LMAN2: variants seen among roughly 807,000 people sequenced by gnomAD.
The protein encoded by LMAN2 is vesicular integral-membrane protein VIP36.
A neutral mutation model predicts 39.3 loss-of-function variants in LMAN2; 22 were observed. The observed-to-expected ratio is 0.56, with a 90% CI of 0.40 to 0.80. LMAN2 has a LOEUF of 0.80. Among genes scored for constraint, LMAN2 ranks in the 30% least tolerant of loss-of-function variants. LMAN2 has a pLI of 0.00. For missense variants in LMAN2, 494 were observed against 505.4 expected (o/e 0.98, Z 0.22); for synonymous variants, 207 against 207.8 (o/e 1.00, Z 0.03).
rs547600819 is a variant in LMAN2, at chr5:177,344,210, C to A, written c.316-5605G>T. Among the ~76,000 whole-genome samples, 162 of 149,166 alleles carry A rather than the reference C, an allele frequency of 1.1e-3. No individual in the cohort carries two copies. In the Middle Eastern group the frequency reaches 0.02, roughly 19 times the overall value. ...TCCAGCCTCCGTGACAAAGTGAGAC[C>A]CCCCCCATCTCTAAAAAAAAAAAAA... is the stretch of plus-strand genomic sequence containing the variant. On this transcript the variant is annotated intron_variant, in intron 2 of 7. Coordinates refer to ENST00000303127, the MANE Select transcript of LMAN2 (RefSeq NM_006816.3).
chr5:177,331,887 GT>G lies in LMAN2; in HGVS notation c.*198del. 1.7e-6 allele frequency: 1 copy of G among 581,146 alleles called. No homozygotes were observed. Among genetic ancestry groups the G allele is most frequent in the Non-Finnish European group, 2.9e-6 (1 of 342,254 alleles). 36.0% of individuals were successfully genotyped at this position (581,146 alleles called of 1,614,324 possible). On this transcript the variant is annotated 3_prime_UTR_variant, in exon 8 of 8. Transcript: ENST00000303127. ...CCCAGGAGAGCCTCCGTCTCCAGCT[GT>G]GGGGGGTGCCAGACCCTAAGCCTCG...
chr5:177,341,003 C>A (rs1485308252), intron 2 of LMAN2, among the ~76,000 whole-genome samples: 1 of 151,604 alleles, frequency 6.6e-6, no homozygotes, highest in Non-Finnish European at 1.5e-5. Flanking sequence ...GATCCGCCCA[C>A]CTCAGCCTCC....
chr5:177,334,668 CCT>C, intron 6 of LMAN2: 1 of 380,324 alleles, frequency 2.6e-6, no homozygotes, highest in Non-Finnish European at 4.9e-6. Context: ...GGTCTGCCGC[CCT>C]CTTTGAGGCT....
chr5:177,333,562 G>A lies in LMAN2; in HGVS notation c.910+722C>T, dbSNP rs146631089. Among the ~76,000 whole-genome samples, 14 of 152,316 alleles carry A rather than the reference G, an allele frequency of 9.2e-5. 1 individual carries two copies. Among genetic ancestry groups the A allele is most frequent in the African/African-American group, 2.4e-4 (10 of 41,562 alleles). ...CTTCTCCTGAAAAGCAGAAACACGC[G>A]GCCAAACTGGCCCACACGGCATGGG... On this transcript the variant is annotated intron_variant, in intron 7 of 7. Coordinates refer to ENST00000303127, the MANE Select transcript of LMAN2 (RefSeq NM_006816.3).
At chr5:177,349,619 G>A (rs1038334118) in intron 2 of LMAN2, among the ~76,000 whole-genome samples, 1 of 152,184 alleles carries the variant, frequency 6.6e-6, no homozygotes, top group African/African-American at 2.4e-5. Context: ...CAACCAAAAT[G>A]TAAGCCACTG....
At chr5:177,335,044 T>C (rs146939303) in intron 6 of LMAN2, among the ~76,000 whole-genome samples, 2 of 152,122 alleles carry the variant, frequency 1.3e-5, no homozygotes, top group African/African-American at 4.8e-5. Context: ...GATCACCCAA[T>C]TGTAGAGATG....
At position 177,332,143 on chromosome 5, in the gene LMAN2, G is replaced by A. The variant is rs142942782; in HGVS notation, c.1014C>T (p.Ala338=). 8.1e-6 allele frequency: 13 copies of A among 1,613,510 alleles called. No individual in the cohort carries two copies. The highest frequency in any genetic ancestry group is 1.6e-4 in the Middle Eastern group (1 of 6,080). ...TCTGGAACACCACGGCCCCCACCAC[G>A]GCGCAGACAACGATGCCCAGGAGAG... is the stretch of plus-strand genomic sequence containing the variant. The part of the protein sequence containing the change: ...LCALLGIVVC[A]VVGAVVFQKR... Residue 338 remains alanine (A), a synonymous_variant, in exon 8 of 8, where the codon GCC becomes GCT. Transcript: ENST00000303127. The surrounding 1 kb of genome is among the most constrained non-coding windows in gnomAD (Gnocchi z 6.3).
At position 177,337,326 on chromosome 5, in the gene LMAN2, G is replaced by T; in HGVS notation, c.675+37C>A. On this transcript the variant is annotated intron_variant, in intron 5 of 7. Transcript: ENST00000303127. This position sits in a 1 kb window ranked among gnomAD's most constrained non-coding sequence, Gnocchi z 8.2. ...TGAGCCTCTGTGGGACCAGCACAGGGCCACCAGCTGCCACCCCCACCGCCT... is the reference window on the plus strand; with the variant it reads ...TGAGCCTCTGTGGGACCAGCACAGGTCCACCAGCTGCCACCCCCACCGCCT... 1 of 1,609,998 alleles carries T rather than the reference G, an allele frequency of 6.2e-7. No individual in the cohort carries two copies.
At chr5:177,333,851 CACG>C (rs10569400) in intron 7 of LMAN2, among the ~76,000 whole-genome samples, 51,144 of 152,050 alleles carry the variant, frequency 0.34, 9,030 homozygotes, top group African/African-American at 0.43. Flanking sequence ...TGACCAGCAG[CACG>C]ACTTCTTCCA....
rs765017453 is a variant in LMAN2, at chr5:177,337,153, C to A, written c.773G>T (p.Gly258Val). The change falls in exon 6 of 8, where the codon GGC (glycine) becomes GTC (valine). Residue 258 changes from glycine to valine, a missense_variant. By Grantham distance (109) the Gly-to-Val change is moderately radical. Transcript: ENST00000303127. The surrounding 1 kb of genome is among the most constrained non-coding windows in gnomAD (Gnocchi z 8.2). ...CCACTCACCAGACAGGTCGCCGGTG[C>A]CGGCGGAGGCCCCGAAGTAGTAGCC... ...PTGYYFGASA[G>V]TGDLSDNHDI... The A allele has an allele frequency of 1.2e-6, 2 of 1,613,240 alleles. No individual in the cohort carries two copies. Among genetic ancestry groups the A allele is most frequent in the Admixed American group, 3.3e-5 (2 of 60,026 alleles).
chr5:177,333,763 A>T (rs1296876607), intron 7 of LMAN2, among the ~76,000 whole-genome samples: 3 of 152,212 alleles, frequency 2.0e-5, no homozygotes, highest in African/African-American at 7.2e-5. Context: ...CATGGGAAGA[A>T]CCCAGGCTTC....
At chr5:177,348,690 A>G (rs1436641844) in intron 2 of LMAN2, among the ~76,000 whole-genome samples, 3 of 133,150 alleles carry the variant, frequency 2.3e-5, no homozygotes, top group Non-Finnish European at 4.5e-5. Flanking sequence ...TCTGTCTCAA[A>G]AAAAAAAAAA....
chr5:177,344,190 C>A (rs1192648705), intron 2 of LMAN2, among the ~76,000 whole-genome samples: 3 of 151,250 alleles, frequency 2.0e-5, no homozygotes, highest in Non-Finnish European at 2.9e-5. Flanking sequence ...TGCACTCCAG[C>A]CTCCGTGACA....
chr5:177,342,615 G>A (rs1006010990), intron 2 of LMAN2, among the ~76,000 whole-genome samples: 2 of 152,084 alleles, frequency 1.3e-5, no homozygotes, highest in Non-Finnish European at 2.9e-5. Flanking sequence ...GAGCTGGAGA[G>A]GTCAAGGCTG....
chr5:177,345,312 G>A (rs987394613), intron 2 of LMAN2, among the ~76,000 whole-genome samples: 2 of 120,592 alleles, frequency 1.7e-5, no homozygotes, highest in Non-Finnish European at 1.6e-5. Context: ...TTGCATTCCA[G>A]CCTAGGTGAC....
chr5:177,337,051 A>G lies in LMAN2; in HGVS notation c.790+85T>C, dbSNP rs905885996. The G allele has an allele frequency of 5.1e-6, 5 of 989,800 alleles. No individual in the cohort carries two copies. Among genetic ancestry groups the G allele is most frequent in the African/African-American group, 4.8e-5 (3 of 62,842 alleles). The allele number at this position is 989,800 out of a possible 1,614,324, so 61.3% of individuals were successfully genotyped here. A position where few individuals can be genotyped will look rare whatever the true frequency, so the allele number is the denominator to read the frequency against. On this transcript the variant is annotated intron_variant, in intron 6 of 7. Coordinates refer to ENST00000303127, the MANE Select transcript of LMAN2 (RefSeq NM_006816.3). The surrounding 1 kb of genome is among the most constrained non-coding windows in gnomAD (Gnocchi z 8.2). The stretch of plus-strand genomic sequence containing the variant: ...GCCAGGTGAGCTCAGAAACCACATG[A>G]AGGCAGGCAATCAACTGCATGGAAA...
At position 177,337,516 on chromosome 5, in the gene LMAN2, G is replaced by A. The variant is rs1561604330; in HGVS notation, c.522C>T (p.Phe174=). 2 of 1,613,990 alleles carry A rather than the reference G, an allele frequency of 1.2e-6. No individual in the cohort carries two copies. Among genetic ancestry groups the A allele is most frequent in the Non-Finnish European group, 1.7e-6 (2 of 1,179,926 alleles). ...YPNDETTERV[F]PYISVMVNNG... Reference sequence around the variant, plus strand: ...TGTTCACCATCACCGAGATGTACGGGAACACGCGCTGGGACCAAGACATCG... The same window carrying A: ...TGTTCACCATCACCGAGATGTACGGAAACACGCGCTGGGACCAAGACATCG... The change falls in exon 5 of 8, where the codon TTC becomes TTT. Residue 174 remains phenylalanine (F), a synonymous_variant. Transcript: ENST00000303127. The surrounding 1 kb of genome is among the most constrained non-coding windows in gnomAD (Gnocchi z 8.2).
At chr5:177,333,654 C>A (rs150245107) in intron 7 of LMAN2, among the ~76,000 whole-genome samples, 29 of 152,342 alleles carry the variant, frequency 1.9e-4, no homozygotes, top group Non-Finnish European at 4.4e-5. Context: ...CCCCCAGGCA[C>A]ACATCTGTGG....
chr5:177,348,774 C>G (rs1309178127), intron 2 of LMAN2, among the ~76,000 whole-genome samples: 1 of 145,626 alleles, frequency 6.9e-6, no homozygotes, highest in Non-Finnish European at 1.5e-5. Context: ...ATTCCAGCTA[C>G]TCAGGGGGCT....
Sources: gnomAD v4.1 joint callset for allele counts (sites outside exome capture counted in the v4.1 genomes callset) on GRCh38, gnomAD v4.1.1 for gene constraint, Gnocchi (gnomAD v3.1) non-coding constraint, MANE v1.5 for transcripts, NCBI Gene and HGNC (gene_info 2026-07-23, HGNC 2026-07-21) for gene names.